Variants in PPP2R5C observed in about 807,000 individuals in gnomAD.
The protein encoded by PPP2R5C is serine/threonine-protein phosphatase 2A 56 kDa regulatory subunit gamma isoform.
Under a neutral mutation model 68.9 loss-of-function variants are expected in PPP2R5C, and 7 were observed. The observed-to-expected ratio is 0.10, with a 90% CI of 0.06 to 0.19. The LOEUF is 0.19. Among genes scored for constraint, PPP2R5C ranks in the 10% least tolerant of loss-of-function variants. The probability of loss-of-function intolerance (pLI) is 1.00; values close to 1 mark genes in which losing one functional copy is unlikely to be tolerated. For synonymous variants in PPP2R5C, 210 were observed against 222.2 expected (o/e 0.95, Z 0.49); for missense variants, 348 against 641.3 (o/e 0.54, Z 4.94).
chr14:101,762,998 A>G, intron 2 of PPP2R5C, 28 bp downstream of exon 2: 3 of 1,527,358 alleles, frequency 2.0e-6, no homozygotes, highest in South Asian at 1.2e-5. Context: ...TTGACTTTGT[A>G]TTTTATACAC....
chr14:101,921,887 A>AC (rs1365682685), intron 13 of PPP2R5C: 2 of 727,298 alleles, frequency 2.7e-6, no homozygotes, highest in Non-Finnish European at 3.4e-6. Context: ...AACTAGTATA[A>AC]CCCTATACAG....
rs2046571436 is a variant in PPP2R5C at position 101,914,737 on chromosome 14, T to C, written c.1326+2264T>C. Among the ~76,000 whole-genome samples, 5 of 152,218 alleles carry C rather than the reference T, an allele frequency of 3.3e-5. No homozygotes were observed. In the South Asian group the frequency reaches 1.0e-3, roughly 31 times the overall value. ...GTCTTATTTGAGCAGTTATGGCAAC[T>C]TTATTGGGGTTTTTAATGTCACAGA... is the stretch of plus-strand genomic sequence containing the variant. On this transcript the variant is annotated intron_variant, in intron 12 of 13. Transcript: ENST00000334743.
chr14:101,868,395 C>T (rs2043205064), intron 2 of PPP2R5C, among the ~76,000 whole-genome samples: 1 of 152,090 alleles, frequency 6.6e-6, no homozygotes, highest in African/African-American at 2.4e-5. Context: ...AATACGAAAG[C>T]ATTTTAAAAA....
chr14:101,893,251 C>T (rs2045077641), intron 7 of PPP2R5C, 143 bp downstream of exon 9: 1 of 556,510 alleles, frequency 1.8e-6, no homozygotes, highest in Admixed American at 3.4e-5. Flanking sequence ...TGGTGATAAT[C>T]GAAAGAATAA....
At chr14:101,867,277 T>C (rs1245716835) in intron 2 of PPP2R5C, among the ~76,000 whole-genome samples, 1 of 151,856 alleles carries the variant, frequency 6.6e-6, no homozygotes, top group Non-Finnish European at 1.5e-5. Context: ...GGCGCACGCC[T>C]GCACCTATAT....
intron 3 of PPP2R5C, among the ~76,000 whole-genome samples, chr14:101,799,733 T>C (rs1265807648): frequency 1.3e-5 from 2 of 152,226 alleles, no homozygotes; most frequent in African/African-American, 4.8e-5. Flanking sequence ...CAAAATTGAT[T>C]TGAGACAGGG....
At chr14:101,859,666 C>A (rs1347471807) in intron 2 of PPP2R5C, among the ~76,000 whole-genome samples, 2 of 152,172 alleles carry the variant, frequency 1.3e-5, no homozygotes, top group Admixed American at 6.5e-5. Flanking sequence ...GTTTGTGACC[C>A]TCTTGTCAAG....
intron 2 of PPP2R5C, among the ~76,000 whole-genome samples, chr14:101,776,759 G>A (rs1019858525): frequency 3.9e-5 from 6 of 152,072 alleles, no homozygotes; most frequent in Non-Finnish European, 5.9e-5. Context: ...TAGATGTGCC[G>A]ATTCTGAATA....
At chr14:101,799,446 C>A (rs2038764420) in intron 3 of PPP2R5C, among the ~76,000 whole-genome samples, 1 of 151,648 alleles carries the variant, frequency 6.6e-6, no homozygotes, top group Non-Finnish European at 1.5e-5. Context: ...TGCCCTTTTA[C>A]GGGTGAGGAA....
chr14:101,871,729 T>G (rs186791020), intron 2 of PPP2R5C, among the ~76,000 whole-genome samples: 2 of 152,316 alleles, frequency 1.3e-5, no homozygotes, highest in African/African-American at 4.8e-5. Context: ...GAGTACTTTT[T>G]ATGATTCCCT....
rs892057133 is a variant in PPP2R5C, at chr14:101,896,661, T to C, written c.852+2101T>C. ...CAAAAAAAAAAAAAAAAAAAGTGTA[T>C]ATCTTCTTTGCAGAAATGTCCATTT... On this transcript the variant is annotated intron_variant, in intron 8 of 13. Coordinates refer to ENST00000334743, the Ensembl canonical transcript of PPP2R5C. Among the ~76,000 whole-genome samples, 3 of 146,420 alleles carry C rather than the reference T, an allele frequency of 2.0e-5. No homozygotes were observed. In the Admixed American group the frequency reaches 2.1e-4, roughly 10 times the overall value.
intron 6 of PPP2R5C, among the ~76,000 whole-genome samples, chr14:101,890,806 T>C (rs867447958): frequency 7.6e-5 from 11 of 144,418 alleles, no homozygotes; most frequent in Admixed American, 1.4e-4. Context: ...AGACTCTTGC[T>C]CTGGCACCCA....
At chr14:101,818,496 G>C (rs940955847) in intron 1 of PPP2R5C, 1 of 155,546 alleles carries the variant, frequency 6.4e-6, no homozygotes, top group African/African-American at 2.4e-5. Context: ...ATTAGCCAGC[G>C]TGGTGGCGGG....
In PPP2R5C at chr14:101,882,121, T is replaced by C. The variant is rs1191342171; in HGVS notation, c.295-40T>C. 1 of 1,462,006 alleles carries C rather than the reference T, an allele frequency of 6.8e-7. No homozygotes were observed. The highest frequency in any genetic ancestry group is 9.3e-7 in the Non-Finnish European group (1 of 1,075,314). 90.6% of individuals were successfully genotyped at this position (1,462,006 alleles called of 1,614,324 possible). On this transcript the variant is annotated intron_variant, in intron 2 of 13. Coordinates refer to ENST00000334743, the Ensembl canonical transcript of PPP2R5C. This position sits in a 1 kb window ranked among gnomAD's most constrained non-coding sequence, Gnocchi z 4.9. The stretch of plus-strand genomic sequence containing the variant: ...TATAAAATGTTGTCTGTAAATATTT[T>C]AAATGCCCTGATTGTAATTATAGAA...
rs1266508035 is a variant in PPP2R5C at position 101,781,677 on chromosome 14, G to A, written c.94-4341G>A. Among the ~76,000 whole-genome samples, 1 of 152,114 alleles carries A rather than the reference G, an allele frequency of 6.6e-6. No individual in the cohort carries two copies. The highest frequency in any genetic ancestry group is 2.4e-5 in the African/African-American group (1 of 41,416). ...CAGGCCGGGGTCCCGCCTTTGCCCC[G>A]GCCTCCGCTGCCTCGCCCCGGAGCC... On this transcript the variant is annotated intron_variant, in intron 2 of 14. Transcript: ENST00000328724. This position sits in a 1 kb window ranked among gnomAD's most constrained non-coding sequence, Gnocchi z 6.4.
intron 2 of PPP2R5C, among the ~76,000 whole-genome samples, chr14:101,871,687 C>CTCTG (rs2043426176): frequency 6.6e-6 from 1 of 151,674 alleles, no homozygotes; most frequent in Non-Finnish European, 1.5e-5. Context: ...TTTATCGTTT[C>CTCTG]TCTTCTTTGT....
intron 5 of PPP2R5C, among the ~76,000 whole-genome samples, chr14:101,883,799 C>G (rs2140905775): frequency 6.6e-6 from 1 of 152,308 alleles, no homozygotes; most frequent in East Asian, 1.9e-4. Context: ...ACCAAGCTCC[C>G]CAGCGCCTCA....
intron 2 of PPP2R5C, among the ~76,000 whole-genome samples, chr14:101,774,675 C>T (rs1049497555): frequency 6.6e-6 from 1 of 152,174 alleles, no homozygotes; most frequent in Non-Finnish European, 1.5e-5. Flanking sequence ...TACTGGAGGT[C>T]GTAACTTGCC....
chr14:101,812,389 C>G (rs1325794952), intron 1 of PPP2R5C, among the ~76,000 whole-genome samples: 1 of 152,132 alleles, frequency 6.6e-6, no homozygotes, highest in East Asian at 1.9e-4. Flanking sequence ...CCTGGGCTAC[C>G]CTGCTCACTC....
Sources: gnomAD v4.1 joint callset for allele counts (sites outside exome capture counted in the v4.1 genomes callset) on GRCh38, gnomAD v4.1.1 for gene constraint, Gnocchi (gnomAD v3.1) non-coding constraint, MANE v1.5 for transcripts, NCBI Gene and HGNC (gene_info 2026-07-23, HGNC 2026-07-21) for gene names.